DIP2A: variants seen among roughly 807,000 people sequenced by gnomAD.
The protein encoded by DIP2A is disco-interacting protein 2 homolog A.
A neutral mutation model predicts 177.4 loss-of-function variants in DIP2A; 85 were observed. The ratio of observed to expected loss-of-function variants is 0.48; its 90% CI spans 0.40 to 0.57. DIP2A has a LOEUF of 0.57. Ranked by LOEUF, DIP2A falls within the 20% of genes least tolerant of loss-of-function variation. The probability of loss-of-function intolerance (pLI) is 0.00; values close to 1 mark genes in which losing one functional copy is unlikely to be tolerated. For missense variants in DIP2A, 1,791 were observed against 2,100.2 expected, an observed-to-expected ratio of 0.85 and a Z score of 2.88; for synonymous variants, 886 against 881.8, an observed-to-expected ratio of 1.00 and a Z score of -0.08.
chr21:46,554,557 C>G lies in DIP2A; in HGVS notation c.3155-18C>G. On this transcript the variant is annotated intron_variant, in intron 26 of 37. Coordinates refer to ENST00000417564, the MANE Select transcript of DIP2A (RefSeq NM_015151.4). Reference sequence around the variant, plus strand: ...CTCTTGCGGCCGGCCTCCTCACAGCCAGTCCTTGTCTCCACAGGGGTGGAC... The same window carrying G: ...CTCTTGCGGCCGGCCTCCTCACAGCGAGTCCTTGTCTCCACAGGGGTGGAC... The G allele has an allele frequency of 6.2e-7, 1 of 1,609,518 alleles. No individual in the cohort carries two copies. Among genetic ancestry groups the G allele is most frequent in the South Asian group, 1.1e-5 (1 of 90,348 alleles).
the DIP2A span, among the ~76,000 whole-genome samples, chr21:46,581,320 T>G: frequency 6.6e-6 from 1 of 152,222 alleles, no homozygotes; most frequent in Non-Finnish European, 1.5e-5. Context: ...CTCTGTAAAC[T>G]GGTTATTCTG....
rs1420175242 is a variant in DIP2A at position 46,556,400 on chromosome 21, C to T, written c.3498+309C>T. 1 of 1,351,190 alleles carries T rather than the reference C, an allele frequency of 7.4e-7. No homozygotes were observed. Among genetic ancestry groups the T allele is most frequent in the Non-Finnish European group, 9.8e-7 (1 of 1,019,738 alleles). The allele number at this position is 1,351,190 out of a possible 1,614,324, so 83.7% of individuals were successfully genotyped here. On this transcript the variant is annotated intron_variant, in intron 29 of 37. Transcript: ENST00000417564. The surrounding 1 kb of genome is among the most constrained non-coding windows in gnomAD (Gnocchi z 4.5). The stretch of plus-strand genomic sequence containing the variant: ...AGTCAATAGCTCAATTAAAATTTTT[C>T]AGGCGGGGCGTGGTGGCTCACGCCT...
chr21:46,501,222 C>G (rs983434369), intron 5 of DIP2A, among the ~76,000 whole-genome samples: 3 of 152,128 alleles, frequency 2.0e-5, no homozygotes, highest in African/African-American at 7.2e-5. Context: ...CGAGGTAGAA[C>G]ATATCAGGTA....
intron 1 of DIP2A, among the ~76,000 whole-genome samples, chr21:46,461,654 T>A (rs2054323398): frequency 6.6e-6 from 1 of 152,208 alleles, no homozygotes; most frequent in African/African-American, 2.4e-5. Flanking sequence ...CCATTTATGC[T>A]ATTGTCATCT....
At chr21:46,491,298 G>T (rs754022493) in intron 3 of DIP2A, among the ~76,000 whole-genome samples, 1 of 152,058 alleles carries the variant, frequency 6.6e-6, no homozygotes, top group Non-Finnish European at 1.5e-5. Flanking sequence ...TTTCACCACT[G>T]TGTGGTTGTA....
rs138013171 is a variant in DIP2A, at chr21:46,529,461, C to T, written c.1194+278C>T. On this transcript the variant is annotated intron_variant, in intron 9 of 37. Coordinates refer to ENST00000417564, the MANE Select transcript of DIP2A (RefSeq NM_015151.4). ...CTAAAAATACAAAAAATTAGCTGGG[C>T]GTGGTGGTGCGTGCCTGTAATGCCA... Among the ~76,000 whole-genome samples, 18 of 151,962 alleles carry T rather than the reference C, an allele frequency of 1.2e-4. No individual in the cohort carries two copies. The East Asian group carries it at 1.9e-3, about 16-fold the overall frequency.
At chr21:46,509,482 TTC>T in intron 7 of DIP2A, 106 bp downstream of exon 7, 2 of 1,349,326 alleles carry the variant, frequency 1.5e-6, no homozygotes, top group East Asian at 2.6e-5. Flanking sequence ...GCTATATATA[TTC>T]TGTTTCCAGA....
At chr21:46,517,659 G>T (rs2058647535) in intron 8 of DIP2A, among the ~76,000 whole-genome samples, 1 of 152,210 alleles carries the variant, frequency 6.6e-6, no homozygotes, top group Non-Finnish European at 1.5e-5. Context: ...CTTTTCAGAG[G>T]TTTTCCACAT....
At chr21:46,511,315 G>T (rs2058300597) in intron 7 of DIP2A, 102 bp from the exon 8 acceptor site, 1 of 1,217,374 alleles carries the variant, frequency 8.2e-7, no homozygotes. Context: ...CTTTTTTATA[G>T]TTGGGATTAA....
At chr21:46,545,791 TG>T in intron 19 of DIP2A, 89 bp from the exon 20 acceptor site, 1 of 1,453,224 alleles carries the variant, frequency 6.9e-7, no homozygotes, top group African/African-American at 1.4e-5. Context: ...GGCGCACACG[TG>T]GTGCTGAGCC....
In DIP2A at chr21:46,569,652, G is replaced by A. The variant is rs146924203; in HGVS notation, c.*2030G>A. 1 of 152,140 alleles carries A rather than the reference G, an allele frequency of 6.6e-6. No homozygotes were observed. The highest frequency in any genetic ancestry group is 2.4e-5 in the African/African-American group (1 of 41,440). 9.4% of individuals were successfully genotyped at this position (152,140 alleles called of 1,614,324 possible). A position where few individuals can be genotyped will look rare whatever the true frequency, so the allele number is the denominator to read the frequency against. On this transcript the variant is annotated 3_prime_UTR_variant, in exon 38 of 38. Transcript: ENST00000417564. Reference sequence around the variant, plus strand: ...GTTTTAGAATTACTCTGGGAATTCTGTATATCACACTAAAATTTTTATATC... The same window carrying A: ...GTTTTAGAATTACTCTGGGAATTCTATATATCACACTAAAATTTTTATATC...
At chr21:46,511,365 G>A in intron 7 of DIP2A, 52 bp from the exon 8 acceptor site, 1 of 1,503,920 alleles carries the variant, frequency 6.6e-7, no homozygotes, top group Admixed American at 2.0e-5. Context: ...AAAACAGAAT[G>A]TGTTCGTGGT....
At chr21:46,471,232 C>T (rs2055351744) in intron 1 of DIP2A, among the ~76,000 whole-genome samples, 1 of 152,032 alleles carries the variant, frequency 6.6e-6, no homozygotes, top group African/African-American at 2.4e-5. Flanking sequence ...AGTCTCACCA[C>T]GTTGCCCAGG....
intron 3 of DIP2A, 107 bp downstream of exon 3, chr21:46,490,826 G>C: frequency 7.3e-7 from 1 of 1,363,590 alleles, no homozygotes; most frequent in Non-Finnish European, 9.7e-7. Context: ...ATCTGCCAAA[G>C]AAATTATTTT....
intron 8 of DIP2A, among the ~76,000 whole-genome samples, chr21:46,519,101 A>G (rs73373906): frequency 0.02 from 2,970 of 152,282 alleles, 88 homozygotes; most frequent in African/African-American, 0.067. Context: ...TGACGTTGCC[A>G]TGGCTGCTGT....
At position 46,546,472 on chromosome 21, in the gene DIP2A, C is replaced by G. The variant is rs7275616; in HGVS notation, c.2395-443C>G. Among the ~76,000 whole-genome samples, 167 of 152,014 alleles carry G rather than the reference C, an allele frequency of 1.1e-3. 2 individuals are homozygous for G. In the Middle Eastern group the frequency reaches 0.014, roughly 12 times the overall value. ...CCAGAGATGCTGCTCAGTGTCCAACCTAAGCACAGGACAGCACCTGCGATG... is the reference window on the plus strand; with the variant it reads ...CCAGAGATGCTGCTCAGTGTCCAACGTAAGCACAGGACAGCACCTGCGATG... On this transcript the variant is annotated intron_variant, in intron 20 of 37. Coordinates refer to ENST00000417564, the MANE Select transcript of DIP2A (RefSeq NM_015151.4).
Position 46,498,423 on chromosome 21 carries a change from G to A in DIP2A, c.404-159G>A, listed in dbSNP as rs544362684. Reference sequence around the variant, plus strand: ...CTTCTTGCATGCCCTTCTAGATTGAGGGTGACCTTTGAGCTGACTGCGTGG... The same window carrying A: ...CTTCTTGCATGCCCTTCTAGATTGAAGGTGACCTTTGAGCTGACTGCGTGG... On this transcript the variant is annotated intron_variant, in intron 4 of 37. Coordinates refer to ENST00000417564, the MANE Select transcript of DIP2A (RefSeq NM_015151.4). The surrounding 1 kb of genome is among the most constrained non-coding windows in gnomAD (Gnocchi z 4.3). Among the ~76,000 whole-genome samples, 2 of 152,222 alleles carry A rather than the reference G, an allele frequency of 1.3e-5. No individual in the cohort carries two copies. The highest frequency in any genetic ancestry group is 3.9e-4 in the East Asian group (2 of 5,188).
chr21:46,564,896 A>C (rs767199193), intron 35 of DIP2A, among the ~76,000 whole-genome samples: 4 of 152,180 alleles, frequency 2.6e-5, no homozygotes, highest in Non-Finnish European at 5.9e-5. Flanking sequence ...AGCCAAACCC[A>C]GGTCTGTAAG....
intron 18 of DIP2A, among the ~76,000 whole-genome samples, chr21:46,542,505 G>A (rs2059858731): frequency 6.6e-6 from 1 of 152,238 alleles, no homozygotes; most frequent in African/African-American, 2.4e-5. Context: ...ATGTCAGAAA[G>A]GCCTATGTGA....
Sources: gnomAD v4.1 joint callset for allele counts (sites outside exome capture counted in the v4.1 genomes callset) on GRCh38, gnomAD v4.1.1 for gene constraint, Gnocchi (gnomAD v3.1) non-coding constraint, MANE v1.5 for transcripts, NCBI Gene and HGNC (gene_info 2026-07-23, HGNC 2026-07-21) for gene names.